GRIA4: variants seen among roughly 807,000 people sequenced by gnomAD.
GRIA4 encodes glutamate receptor 4.
In GRIA4, 34 loss-of-function variants were observed where a neutral mutation model predicts 104.0. The observed-to-expected ratio is 0.33, with a 90% CI of 0.25 to 0.44. The LOEUF is 0.44. Among genes scored for constraint, GRIA4 ranks in the 20% least tolerant of loss-of-function variants. GRIA4 has a pLI of 1.00. For missense variants in GRIA4, 750 were observed against 1,096.5 expected, an observed-to-expected ratio of 0.68 and a Z score of 4.46; for synonymous variants, 386 against 381.9, an observed-to-expected ratio of 1.01 and a Z score of -0.13.
At chr11:105,754,333 A>G (rs780149452) in intron 4 of GRIA4, among the ~76,000 whole-genome samples, 2 of 152,202 alleles carry the variant, frequency 1.3e-5, no homozygotes, top group Non-Finnish European at 2.9e-5. Context: ...TAACATAAAT[A>G]TGTTACTTTA....
At chr11:105,812,161 G>A (rs1943197529) in intron 4 of GRIA4, among the ~76,000 whole-genome samples, 2 of 152,164 alleles carry the variant, frequency 1.3e-5, no homozygotes. Flanking sequence ...TTTTCACAAA[G>A]ACCTTTGAGT....
At chr11:105,630,565 A>G (rs1183075776) in intron 3 of GRIA4, among the ~76,000 whole-genome samples, 1 of 151,676 alleles carries the variant, frequency 6.6e-6, no homozygotes, top group Non-Finnish European at 1.5e-5. Flanking sequence ...TCCTTCTAGG[A>G]AAAAACAAAA....
intron 3 of GRIA4, among the ~76,000 whole-genome samples, chr11:105,628,874 T>G (rs1378518222): frequency 6.6e-6 from 1 of 152,114 alleles, no homozygotes; most frequent in Non-Finnish European, 1.5e-5. Flanking sequence ...AGGACATTGT[T>G]GCTAAAATAG....
At chr11:105,973,148 TA>T (rs1858784100) in intron 15 of GRIA4, among the ~76,000 whole-genome samples, 1 of 152,154 alleles carries the variant, frequency 6.6e-6, no homozygotes, top group African/African-American at 2.4e-5. Flanking sequence ...GAAGTTACCC[TA>T]AAATGTTTGG....
intron 4 of GRIA4, among the ~76,000 whole-genome samples, chr11:105,858,019 CA>C (rs1184285754): frequency 6.6e-6 from 1 of 152,034 alleles, no homozygotes; most frequent in Non-Finnish European, 1.5e-5. Flanking sequence ...TGCAGTAGCT[CA>C]GGACTGCTTA....
At chr11:105,665,213 T>C (rs989434391) in intron 3 of GRIA4, among the ~76,000 whole-genome samples, 4 of 151,984 alleles carry the variant, frequency 2.6e-5, no homozygotes. Flanking sequence ...AGAGTCAAAT[T>C]ATTATATAAA....
chr11:105,860,488 A>G (rs1945179531), intron 4 of GRIA4, among the ~76,000 whole-genome samples: 1 of 152,172 alleles, frequency 6.6e-6, no homozygotes, highest in African/African-American at 2.4e-5. Context: ...GTTGCTATAG[A>G]ATGAGCTCAA....
chr11:105,925,074 T>C (rs1234657264), intron 12 of GRIA4, among the ~76,000 whole-genome samples: 4 of 152,120 alleles, frequency 2.6e-5, no homozygotes, highest in Non-Finnish European at 5.9e-5. Context: ...AGAACAGGAA[T>C]TCATTTCCAT....
intron 3 of GRIA4, among the ~76,000 whole-genome samples, chr11:105,660,079 T>C (rs1239551314): frequency 6.6e-6 from 1 of 151,566 alleles, no homozygotes; most frequent in African/African-American, 2.4e-5. Flanking sequence ...TCAGAGAGAA[T>C]CAATTCAGGA....
At chr11:105,887,001 T>C (rs1302137014) in intron 5 of GRIA4, among the ~76,000 whole-genome samples, 1 of 151,934 alleles carries the variant, frequency 6.6e-6, no homozygotes, top group Non-Finnish European at 1.5e-5. Flanking sequence ...CATATACAGG[T>C]GAGAATTCAC....
chr11:105,819,774 T>C (rs1943511338), intron 4 of GRIA4, among the ~76,000 whole-genome samples: 1 of 152,156 alleles, frequency 6.6e-6, no homozygotes, highest in Admixed American at 6.6e-5. Flanking sequence ...TGATATGCAT[T>C]GAACTGTGTT....
intron 14 of GRIA4, among the ~76,000 whole-genome samples, chr11:105,963,616 T>C (rs191946913): frequency 2.5e-4 from 38 of 152,266 alleles, no homozygotes; most frequent in African/African-American, 8.9e-4. Context: ...GTAACTTATC[T>C]ATTGGTCCAG....
intron 14 of GRIA4, among the ~76,000 whole-genome samples, chr11:105,961,466 T>C (rs1204653919): frequency 4.6e-5 from 7 of 152,222 alleles, no homozygotes; most frequent in Admixed American, 4.6e-4. Context: ...TTCAGGTAAA[T>C]ATTCTGGACA....
intron 4 of GRIA4, among the ~76,000 whole-genome samples, chr11:105,857,067 C>A (rs1190011669): frequency 6.6e-6 from 1 of 151,956 alleles, no homozygotes; most frequent in Non-Finnish European, 1.5e-5. Flanking sequence ...GTAATTTTAC[C>A]CAAGCTACAA....
chr11:105,663,271 T>G (rs1250887433), intron 3 of GRIA4, among the ~76,000 whole-genome samples: 1 of 151,940 alleles, frequency 6.6e-6, no homozygotes, highest in African/African-American at 2.4e-5. Flanking sequence ...GAAAATTAAT[T>G]ATAAAGCTCA....
chr11:105,779,962 T>C (rs1941652064), intron 4 of GRIA4, among the ~76,000 whole-genome samples: 1 of 152,162 alleles, frequency 6.6e-6, no homozygotes, highest in South Asian at 2.1e-4. Context: ...CATATCACAC[T>C]GACTAGAGGA....
chr11:105,633,706 T>C (rs1951098930), intron 3 of GRIA4, among the ~76,000 whole-genome samples: 1 of 152,212 alleles, frequency 6.6e-6, no homozygotes, highest in Non-Finnish European at 1.5e-5. Flanking sequence ...TTCTACATTC[T>C]TAAGACCTGT....
chr11:105,824,391 CCTA>C lies in GRIA4; in HGVS notation c.488-37629_488-37627del, dbSNP rs564867505. Among the ~76,000 whole-genome samples the C allele has an allele frequency of 6.5e-3, 995 of 152,148 alleles. 5 individuals are homozygous for C. Among genetic ancestry groups the C allele is most frequent in the Middle Eastern group, 0.017 (5 of 294 alleles). ...TTTTTTATTAAACAATATCTGACTT[CCTA>C]CTATGGAAGATGAAGATGTAGCTCC... On this transcript the variant is annotated intron_variant, in intron 4 of 16. Coordinates refer to ENST00000282499, the MANE Select transcript of GRIA4 (RefSeq NM_000829.4).
chr11:105,856,730 C>A (rs1945021176), intron 4 of GRIA4, among the ~76,000 whole-genome samples: 1 of 152,114 alleles, frequency 6.6e-6, no homozygotes, highest in African/African-American at 2.4e-5. Flanking sequence ...TTTAAAGTAT[C>A]AAATTTTCTT....
Sources: gnomAD v4.1 joint callset for allele counts (sites outside exome capture counted in the v4.1 genomes callset) on GRCh38, gnomAD v4.1.1 for gene constraint, MANE v1.5 for transcripts, NCBI Gene and HGNC (gene_info 2026-07-23, HGNC 2026-07-21) for gene names.